SAMD4A: variants seen among roughly 807,000 people sequenced by gnomAD.
SAMD4A encodes protein Smaug homolog 1.
In SAMD4A, 33 loss-of-function variants were observed where a neutral mutation model predicts 81.3. That is an observed-to-expected ratio of 0.41 (90% CI 0.31 to 0.54). The LOEUF (loss-of-function observed/expected upper bound fraction) is 0.54. Among genes scored for constraint, SAMD4A ranks in the 20% least tolerant of loss-of-function variants. The probability of loss-of-function intolerance (pLI) is 0.37; values close to 1 mark genes in which losing one functional copy is unlikely to be tolerated. For missense variants in SAMD4A, 854 were observed against 951.1 expected, an observed-to-expected ratio of 0.90 and a Z score of 1.34; for synonymous variants, 389 against 382.1, an observed-to-expected ratio of 1.02 and a Z score of -0.21.
intron 3 of SAMD4A, among the ~76,000 whole-genome samples, chr14:54,726,394 A>G (rs1020816823): frequency 1.3e-5 from 2 of 152,204 alleles, no homozygotes; most frequent in African/African-American, 2.4e-5. Flanking sequence ...AGAGTGATCA[A>G]CCCTGAGCTA....
intron 2 of SAMD4A, among the ~76,000 whole-genome samples, chr14:54,602,005 A>G (rs1566541474): frequency 6.6e-6 from 1 of 152,224 alleles, no homozygotes; most frequent in Non-Finnish European, 1.5e-5. Context: ...GAAGCAATGT[A>G]GAAACAAAGG....
chr14:54,589,396 A>C (rs1258776687), intron 2 of SAMD4A, among the ~76,000 whole-genome samples: 1 of 152,060 alleles, frequency 6.6e-6, no homozygotes. Context: ...TGTGGTATAG[A>C]TATTTTGGTT....
intron 3 of SAMD4A, among the ~76,000 whole-genome samples, chr14:54,721,712 T>C (rs954597937): frequency 6.6e-6 from 1 of 152,212 alleles, no homozygotes; most frequent in South Asian, 2.1e-4. Context: ...GCCTGTCACT[T>C]TCCTTCTCTC....
rs144277084 is a variant in SAMD4A, at chr14:54,768,398, T to C, written c.1597-1706T>C. ...TCACAACATCCTTTTGAGGGAGATA[T>C]TATTATCCTCAGTTTCTAGGAGGCA... is the stretch of plus-strand genomic sequence containing the variant. On this transcript the variant is annotated intron_variant, in intron 8 of 12. Coordinates refer to ENST00000554335, the MANE Select transcript of SAMD4A (RefSeq NM_015589.6). Among the ~76,000 whole-genome samples the C allele has an allele frequency of 2.1e-3, 323 of 152,270 alleles. 1 individual carries two copies. Among genetic ancestry groups the C allele is most frequent in the African/African-American group, 6.7e-3 (277 of 41,540 alleles).
chr14:54,770,827 A>G (rs1208973457), intron 9 of SAMD4A, among the ~76,000 whole-genome samples: 1 of 152,256 alleles, frequency 6.6e-6, no homozygotes, highest in Non-Finnish European at 1.5e-5. Flanking sequence ...GAATCCAATT[A>G]CATATTAAAG....
rs529100114 is a variant in SAMD4A at position 54,585,304 on chromosome 14, A to G, written c.196+17192A>G. 7.5e-4 allele frequency among the ~76,000 whole-genome samples: 114 copies of G among 152,338 alleles called. 2 individuals carry two copies. Among genetic ancestry groups the G allele is most frequent in the Admixed American group, 2.6e-3 (39 of 15,292 alleles). Reference sequence around the variant, plus strand: ...ATTTAGGTTATTTCCAGTTTCTTACAATGCTGTGGTAAACATCCTTTAAAG... The same window carrying G: ...ATTTAGGTTATTTCCAGTTTCTTACGATGCTGTGGTAAACATCCTTTAAAG... On this transcript the variant is annotated intron_variant, in intron 2 of 12. Transcript: ENST00000554335.
At position 54,578,765 on chromosome 14, in the gene SAMD4A, T is replaced by C. The variant is rs1342973076; in HGVS notation, c.196+10653T>C. Among the ~76,000 whole-genome samples, 4 of 152,218 alleles carry C rather than the reference T, an allele frequency of 2.6e-5. No homozygotes were observed. The East Asian group carries it at 5.8e-4, about 22-fold the overall frequency. ...TTCTTGATTTCCAGTGTATTCCTCC[T>C]GCACTTTTTGGCCTGTTTGGACCAC... On this transcript the variant is annotated intron_variant, in intron 2 of 12. Coordinates refer to ENST00000554335, the MANE Select transcript of SAMD4A (RefSeq NM_015589.6).
In SAMD4A at chr14:54,739,618, G is replaced by GA. The variant is rs1018351086; in HGVS notation, c.979+2337dup. 7.2e-5 allele frequency among the ~76,000 whole-genome samples: 11 copies of GA among 152,174 alleles called. No homozygotes were observed. The East Asian group carries it at 9.6e-4, about 13-fold the overall frequency. On this transcript the variant is annotated intron_variant, in intron 4 of 12. Transcript: ENST00000554335. ...TGCAGTTTAGCTGACAGGTCAGACA[G>GA]AAAAAATGTCCACACCCAAAAACAC...
chr14:54,639,257 A>G (rs971621758), intron 2 of SAMD4A, among the ~76,000 whole-genome samples: 8 of 152,236 alleles, frequency 5.3e-5, no homozygotes, highest in African/African-American at 1.7e-4. Context: ...GCACGAAATA[A>G]CCGGCAGCTG....
At chr14:54,623,317 A>G (rs2034662879) in intron 2 of SAMD4A, among the ~76,000 whole-genome samples, 1 of 152,112 alleles carries the variant, frequency 6.6e-6, no homozygotes, top group South Asian at 2.1e-4. Context: ...ATAGGGCCTC[A>G]GTGTAATCTT....
chr14:54,607,200 G>A (rs2034231124), intron 2 of SAMD4A, among the ~76,000 whole-genome samples: 1 of 152,232 alleles, frequency 6.6e-6, no homozygotes, highest in South Asian at 2.1e-4. Context: ...GGGCGTTCCT[G>A]ATGCGTTGCT....
intron 2 of SAMD4A, among the ~76,000 whole-genome samples, chr14:54,656,575 A>G (rs1490775695): frequency 6.6e-6 from 1 of 152,206 alleles, no homozygotes; most frequent in Non-Finnish European, 1.5e-5. Flanking sequence ...CTTTAAAATA[A>G]TAAGCTGCAC....
intron 2 of SAMD4A, among the ~76,000 whole-genome samples, chr14:54,609,123 C>T (rs1226433559): frequency 6.6e-6 from 1 of 152,144 alleles, no homozygotes; most frequent in Non-Finnish European, 1.5e-5. Context: ...AGATGAAATT[C>T]GTTCTTGGTT....
chr14:54,694,964 G>A, intron 2 of SAMD4A: 1 of 971,922 alleles, frequency 1.0e-6, no homozygotes, highest in Non-Finnish European at 1.2e-6. Flanking sequence ...AGGGCAAGAG[G>A]TACCTGGTTC....
At chr14:54,666,023 A>G (rs1039482770) in intron 2 of SAMD4A, among the ~76,000 whole-genome samples, 1 of 152,144 alleles carries the variant, frequency 6.6e-6, no homozygotes, top group Admixed American at 6.5e-5. Context: ...TTCAGGTAAA[A>G]CCTAGTAAAA....
intron 3 of SAMD4A, among the ~76,000 whole-genome samples, chr14:54,713,552 A>T (rs562161225): frequency 6.6e-6 from 1 of 152,322 alleles, no homozygotes; most frequent in African/African-American, 2.4e-5. Flanking sequence ...ACTTTGGACC[A>T]TTTCCACAGA....
At chr14:54,640,044 G>A (rs1594762635) in intron 2 of SAMD4A, among the ~76,000 whole-genome samples, 1 of 151,472 alleles carries the variant, frequency 6.6e-6, no homozygotes, top group African/African-American at 2.4e-5. Flanking sequence ...AAATAGCCTT[G>A]GGATTTTGTT....
rs1264417301 is a variant in SAMD4A at position 54,764,421 on chromosome 14, A to G, written c.1511-34A>G. ...GGTCCCAGAGATTAGAAAGGGGTGC[A>G]TTTTTCTAATTCATCTTTTCTTTTT... On this transcript the variant is annotated intron_variant, in intron 7 of 12. Transcript: ENST00000554335. 3 of 1,432,250 alleles carry G rather than the reference A, an allele frequency of 2.1e-6. No homozygotes were observed. In the Admixed American group the frequency reaches 5.5e-5, roughly 26 times the overall value. The allele number at this position is 1,432,250 out of a possible 1,614,324, so 88.7% of individuals were successfully genotyped here. A position where few individuals can be genotyped will look rare whatever the true frequency, so the allele number is the denominator to read the frequency against.
chr14:54,733,901 G>C (rs2037623624), intron 3 of SAMD4A, among the ~76,000 whole-genome samples: 1 of 151,780 alleles, frequency 6.6e-6, no homozygotes, highest in African/African-American at 2.4e-5. Context: ...AGATCTCTTA[G>C]TTTAAAAAGG....
Sources: allele counts gnomAD v4.1 joint callset (sites outside exome capture counted in the v4.1 genomes callset), GRCh38; gene constraint gnomAD v4.1.1; transcripts MANE v1.5; gene names NCBI Gene and HGNC (gene_info 2026-07-23, HGNC 2026-07-21).